The following VPS9D1 variants were observed in gnomAD, a reference collection of about 807,000 sequenced individuals.
The protein encoded by VPS9D1 is VPS9 domain-containing protein 1.
VPS9D1 carries 78 observed loss-of-function variants against 75.8 expected under a neutral mutation model. The observed-to-expected ratio is 1.03, with a 90% CI of 0.86 to 1.24. The LOEUF (loss-of-function observed/expected upper bound fraction) is 1.24, where lower values mean the gene tolerates loss of function less well. VPS9D1 is among the 50% of genes most tolerant of loss of function. VPS9D1 has a pLI of 0.00. For synonymous variants in VPS9D1, 481 were observed against 385.6 expected (o/e 1.25, Z -2.90); for missense variants, 1,057 against 847.7 (o/e 1.25, Z -3.07).
At position 89,709,866 on chromosome 16, in the gene VPS9D1, T is replaced by A; in HGVS notation, c.1299A>T (p.Leu433=). The A allele has an allele frequency of 6.2e-7, 1 of 1,613,506 alleles. No homozygotes were observed. The highest frequency in any genetic ancestry group is 2.2e-5 in the East Asian group (1 of 44,886). ...AGCGGTCCTTGGAGGCAGCTGTGTT[T>A]AGGCCTTCGAAGGCCAGAAGGGTCA... The part of the protein sequence containing the change: ...LSLTLLAFEG[L]NTAASKDRCL... The change falls in exon 11 of 15, where the codon CTA becomes CTT. Residue 433 remains leucine, a synonymous_variant. Coordinates refer to ENST00000389386, the MANE Select transcript of VPS9D1 (RefSeq NM_004913.3).
chr16:89,710,595 TG>T lies in VPS9D1; in HGVS notation c.1248del (p.His416GlnfsTer4), dbSNP rs1302564355. ...QQLKTAVEEIHNAVDRLLSLT... is the reference protein window; with the variant it reads ...QQLKTAVEEIXNAVDRLLSLT... ...GAGGGCCTGGCCTCACCTACGGCAT[TG>T]TGGATCTCCTCCACCGCGGTCTTCA... On this transcript the variant is annotated frameshift_variant, in exon 10 of 15. Transcript: ENST00000389386. LOFTEE classifies it high-confidence loss of function. The T allele has an allele frequency of 1.9e-6, 3 of 1,597,648 alleles. No individual in the cohort carries two copies. The East Asian group carries it at 6.8e-5, about 36-fold the overall frequency.
rs377689664 is a variant in VPS9D1 at position 89,712,466 on chromosome 16, C to T, written c.600G>A (p.Glu200=). ...GGGCGGTCAGAAAGGCTGCTGTCTC[C>T]TCCCGGGCTTTGGCAATCACTAGGT... ...MENLVIAKAR[E]ETLQRKMEER... Residue 200 remains glutamate, a synonymous_variant, in exon 6 of 15, where the codon GAG becomes GAA. Transcript: ENST00000389386. 9 of 1,613,254 alleles carry T rather than the reference C, an allele frequency of 5.6e-6. No homozygotes were observed. In the African/African-American group the frequency reaches 1.1e-4, roughly 19 times the overall value.
chr16:89,711,147 C>T (rs2060908293), intron 9 of VPS9D1, 137 bp from the exon 10 acceptor site: 2 of 1,211,798 alleles, frequency 1.7e-6, no homozygotes, highest in East Asian at 2.6e-5. Context: ...CTGCCCCCCG[C>T]CCCCGCTGGG....
chr16:89,710,131 G>C (rs572852999), intron 10 of VPS9D1, among the ~76,000 whole-genome samples: 2 of 152,208 alleles, frequency 1.3e-5, no homozygotes, highest in Non-Finnish European at 2.9e-5. Context: ...AGAAACCGGA[G>C]AATGATCCTT....
chr16:89,711,087 G>A, intron 9 of VPS9D1, 77 bp from the exon 10 acceptor site: 2 of 1,384,734 alleles, frequency 1.4e-6, no homozygotes, highest in Non-Finnish European at 1.9e-6. Context: ...GCTATGCCCG[G>A]TTTCAGAGAA....
intron 8 of VPS9D1, 77 bp from the exon 9 acceptor site, chr16:89,711,489 G>C: frequency 7.4e-7 from 1 of 1,359,246 alleles, no homozygotes; most frequent in Non-Finnish European, 1.0e-6. Flanking sequence ...CACCAGTGCC[G>C]ACCCCTAGAG....
intron 4 of VPS9D1, among the ~76,000 whole-genome samples, chr16:89,714,243 A>T (rs1028366293): frequency 6.7e-6 from 1 of 148,520 alleles, no homozygotes; most frequent in Non-Finnish European, 1.5e-5. Flanking sequence ...CAGCCTTGCA[A>T]TTTTTTTTTT....
chr16:89,709,025 G>GGCCCCCCCCCCC, intron 12 of VPS9D1, 69 bp from the exon 13 acceptor site: 2 of 627,190 alleles, frequency 3.2e-6, no homozygotes, highest in South Asian at 3.0e-5. Flanking sequence ...CTTATACCCC[G>GGCCCCCCCCCCC]CCCACCCACC....
chr16:89,711,945 C>T lies in VPS9D1; in HGVS notation c.684G>A (p.Leu228=). The T allele has an allele frequency of 6.4e-7, 1 of 1,551,416 alleles. No individual in the cohort carries two copies. The highest frequency in any genetic ancestry group is 8.7e-7 in the Non-Finnish European group (1 of 1,147,056). ...CCCGCTGCTCCCGTTCCTCCGGGGT[C>T]AGGGCGACTTGGCTGCAAAACCTCC... The part of the protein sequence containing the change: ...ANRRFCSQVA[L]TPEEREQRAL... Residue 228 remains leucine (L), a synonymous_variant, in exon 8 of 15, where the codon CTG becomes CTA. Transcript: ENST00000389386.
At chr16:89,708,280 T>C (rs946654009) in intron 14 of VPS9D1, 147 bp downstream of exon 14, 1 of 770,344 alleles carries the variant, frequency 1.3e-6, no homozygotes, top group Admixed American at 2.4e-5. Flanking sequence ...TCTGCACAGG[T>C]GGACCCACAG....
At chr16:89,716,210 CA>C (rs1304937127) in intron 4 of VPS9D1, among the ~76,000 whole-genome samples, 25 of 151,780 alleles carry the variant, frequency 1.6e-4, no homozygotes, top group Non-Finnish European at 2.8e-4. Context: ...ACTAAAAATA[CA>C]AAAAATTAGC....
chr16:89,712,281 A>C, intron 6 of VPS9D1, 179 bp downstream of exon 6: 1 of 1,313,948 alleles, frequency 7.6e-7, no homozygotes, highest in Non-Finnish European at 1.0e-6. Flanking sequence ...GGGCCAGAGA[A>C]CATGGGGGAC....
rs1227910735 is a variant in VPS9D1, at chr16:89,711,347, G to A, written c.813C>T (p.Ser271=). The A allele has an allele frequency of 1.9e-6, 3 of 1,610,728 alleles. No homozygotes were observed. Among genetic ancestry groups the A allele is most frequent in the Middle Eastern group, 3.3e-4 (2 of 6,054 alleles). The change falls in exon 9 of 15, where the codon AGC becomes AGT. Residue 271 remains serine (S), a synonymous_variant. Transcript: ENST00000389386. ...GCTACCTGAGCAGGTGTGAGACCAG[G>A]CTGGTCACGAGTGACAGGTCCCCCG... ...RNPGDLSLVT[S]LVSHLLSLPD...
In VPS9D1 at chr16:89,709,448, G is replaced by A; in HGVS notation, c.1389-13C>T. On this transcript the variant is annotated splice_polypyrimidine_tract_variant and intron_variant, in intron 11 of 14. Coordinates refer to ENST00000389386, the MANE Select transcript of VPS9D1 (RefSeq NM_004913.3). ...TCGGTGCACGCTCCTGGGGCAGAGA[G>A]AGGCCAGGCTAAGCTGCCCCAGGGA... The A allele has an allele frequency of 6.7e-7, 1 of 1,503,186 alleles. No homozygotes were observed. Among genetic ancestry groups the A allele is most frequent in the African/African-American group, 1.4e-5 (1 of 71,658 alleles). The allele number at this position is 1,503,186 out of a possible 1,614,324, so 93.1% of individuals were successfully genotyped here. A position where few individuals can be genotyped will look rare whatever the true frequency, so the allele number is the denominator to read the frequency against.
chr16:89,716,234 T>C (rs2061064029), intron 4 of VPS9D1, among the ~76,000 whole-genome samples: 1 of 151,836 alleles, frequency 6.6e-6, no homozygotes, highest in Non-Finnish European at 1.5e-5. Context: ...GGTGTGGTGG[T>C]GGGCGCCTGT....
intron 4 of VPS9D1, chr16:89,713,016 C>T (rs957987040): frequency 4.6e-6 from 1 of 215,252 alleles, no homozygotes; most frequent in African/African-American, 2.3e-5. Context: ...GAAACTCTGT[C>T]TCTACTAAAA....
rs1312362713 is a variant in VPS9D1, at chr16:89,719,235, TTG to T, written c.100-135_100-134del. On this transcript the variant is annotated intron_variant, in intron 1 of 14. Transcript: ENST00000389386. ...TATCTCTGAGATACACCCAGAGACA[TTG>T]AGCCTGCGGTGGTTAGCTGCAGCCG... 4.6e-6 allele frequency: 4 copies of T among 863,402 alleles called. No homozygotes were observed. In the African/African-American group the frequency reaches 6.6e-5, roughly 14 times the overall value. The allele number at this position is 863,402 out of a possible 1,614,324, so 53.5% of individuals were successfully genotyped here. A position where few individuals can be genotyped will look rare whatever the true frequency, so the allele number is the denominator to read the frequency against.
intron 2 of VPS9D1, among the ~76,000 whole-genome samples, chr16:89,718,416 G>A (rs1024312342): frequency 2.6e-5 from 4 of 151,924 alleles, no homozygotes; most frequent in South Asian, 2.1e-4. Flanking sequence ...GCCCCACCCC[G>A]CCCACTCCTA....
At chr16:89,711,292 C>T (rs147405003) in intron 9 of VPS9D1, 35 bp downstream of exon 9, 2 of 1,573,388 alleles carry the variant, frequency 1.3e-6, no homozygotes, top group Non-Finnish European at 1.7e-6. Flanking sequence ...AAGGCCGGTG[C>T]GCAGGGGCTC....
Sources: gnomAD v4.1 joint callset for allele counts (sites outside exome capture counted in the v4.1 genomes callset) on GRCh38, gnomAD v4.1.1 for gene constraint, MANE v1.5 for transcripts, NCBI Gene and HGNC (gene_info 2026-07-23, HGNC 2026-07-21) for gene names.